Variants in UBXN7 observed in about 807,000 individuals in gnomAD.
UBXN7 encodes UBX domain protein 7.
Under a neutral mutation model 58.0 loss-of-function variants are expected in UBXN7, and 9 were observed. That is an observed-to-expected ratio of 0.16 (90% CI 0.09 to 0.27). The LOEUF (loss-of-function observed/expected upper bound fraction) is 0.27, where lower values mean the gene tolerates loss of function less well. Ranked by LOEUF, UBXN7 falls within the 10% of genes least tolerant of loss-of-function variation. The pLI, the probability that UBXN7 is intolerant of heterozygous loss-of-function variation, is 1.00. For synonymous variants in UBXN7, 208 were observed against 205.0 expected, an observed-to-expected ratio of 1.01 and a Z score of -0.12; for missense variants, 328 against 599.6, an observed-to-expected ratio of 0.55 and a Z score of 4.73.
Position 196,361,940 on chromosome 3 carries a change from A to T in UBXN7, c.1229-17T>A, listed in dbSNP as rs766023654. The T allele has an allele frequency of 1.2e-5, 14 of 1,197,714 alleles. No individual in the cohort carries two copies. The African/African-American group carries it at 1.6e-4, about 14-fold the overall frequency. The allele number at this position is 1,197,714 out of a possible 1,614,324, so 74.2% of individuals were successfully genotyped here. A position where few individuals can be genotyped will look rare whatever the true frequency, so the allele number is the denominator to read the frequency against. On this transcript the variant is annotated splice_polypyrimidine_tract_variant and intron_variant, in intron 9 of 10. Coordinates refer to ENST00000296328, the MANE Select transcript of UBXN7 (RefSeq NM_015562.2). Reference sequence around the variant, plus strand: ...CTTTTGGTCCTAAAGGAAGGGTTTAAAAAAAAAAAAAAAACGGGATACAGG... The same window carrying T: ...CTTTTGGTCCTAAAGGAAGGGTTTATAAAAAAAAAAAAAACGGGATACAGG...
chr3:196,383,631 C>G (rs1445303874), intron 5 of UBXN7, among the ~76,000 whole-genome samples: 3 of 152,148 alleles, frequency 2.0e-5, no homozygotes, highest in Non-Finnish European at 4.4e-5. Flanking sequence ...AATTAGAACT[C>G]AGGATTAAGA....
chr3:196,373,890 T>C, intron 5 of UBXN7, among the ~76,000 whole-genome samples: 1 of 152,180 alleles, frequency 6.6e-6, no homozygotes, highest in South Asian at 2.1e-4. Context: ...ATTTGCTTAC[T>C]GATTCCATGG....
rs746087612 is a variant in UBXN7 at position 196,361,826 on chromosome 3, A to T, written c.1308+18T>A. The T allele has an allele frequency of 8.1e-6, 13 of 1,611,314 alleles. No homozygotes were observed. Among genetic ancestry groups the T allele is most frequent in the East Asian group, 2.2e-5 (1 of 44,862 alleles). Reference sequence around the variant, plus strand: ...TATTGCAGTGGTCGGAACTGAACCAAAGCAAGCCTGTACTTACTAGCAGTT... The same window carrying T: ...TATTGCAGTGGTCGGAACTGAACCATAGCAAGCCTGTACTTACTAGCAGTT... On this transcript the variant is annotated intron_variant, in intron 10 of 10. Transcript: ENST00000296328.
chr3:196,409,046 C>T (rs1191765412), intron 1 of UBXN7, among the ~76,000 whole-genome samples: 1 of 152,204 alleles, frequency 6.6e-6, no homozygotes, highest in African/African-American at 2.4e-5. Flanking sequence ...TACAACTCTT[C>T]ACTCTAACCC....
intron 1 of UBXN7, among the ~76,000 whole-genome samples, chr3:196,419,989 G>A (rs1012878888): frequency 1.3e-5 from 2 of 152,132 alleles, no homozygotes; most frequent in Non-Finnish European, 2.9e-5. Flanking sequence ...AAAGGGAAGA[G>A]GAAAAGTAAG....
chr3:196,401,276 T>A (rs7639820), intron 3 of UBXN7, among the ~76,000 whole-genome samples: 5,179 of 20,742 alleles, frequency 0.25, 403 homozygotes, highest in Non-Finnish European at 0.29. Flanking sequence ...AAAAAAAAAA[T>A]ATATATATAT....
chr3:196,384,704 T>C (rs537019188), intron 5 of UBXN7, among the ~76,000 whole-genome samples: 1 of 152,202 alleles, frequency 6.6e-6, no homozygotes, highest in African/African-American at 2.4e-5. Context: ...AAAAACCACA[T>C]GATTATCTCA....
chr3:196,400,748 A>G (rs552885070), intron 3 of UBXN7: 2 of 376,106 alleles, frequency 5.3e-6, no homozygotes, highest in Non-Finnish European at 1.0e-5. Flanking sequence ...AAACAAAAGA[A>G]AAAAAAAAGA....
chr3:196,391,888 G>T lies in UBXN7; in HGVS notation c.393C>A (p.Ile131=), dbSNP rs566953894. 6.2e-7 allele frequency: 1 copy of T among 1,601,704 alleles called. No homozygotes were observed. The highest frequency in any genetic ancestry group is 1.4e-5 in the African/African-American group (1 of 73,868). ...QEQELRNGGA[I]DKKLTTLADL... is the part of the protein sequence containing the mutation. ...CTGCAAGGGTAGTTAATTTCTTATC[G>T]ATAGCTCCTCCATTTCTTAATTCTT... The change falls in exon 5 of 11, where the codon ATC becomes ATA. Residue 131 remains isoleucine (I), a synonymous_variant. Transcript: ENST00000296328.
intron 6 of UBXN7, among the ~76,000 whole-genome samples, 170 bp downstream of exon 6, chr3:196,371,726 G>A (rs1392258831): frequency 1.3e-5 from 2 of 151,988 alleles, no homozygotes; most frequent in South Asian, 2.1e-4. Context: ...CAGGTGATCC[G>A]CCGGCCTCAG....
chr3:196,366,850 C>T (rs1192922242), intron 8 of UBXN7, among the ~76,000 whole-genome samples: 1 of 152,118 alleles, frequency 6.6e-6, no homozygotes, highest in East Asian at 1.9e-4. Context: ...GATCACACCA[C>T]TGCACTGCAG....
At chr3:196,371,643 G>A (rs1415430500) in intron 6 of UBXN7, among the ~76,000 whole-genome samples, 1 of 151,892 alleles carries the variant, frequency 6.6e-6, no homozygotes, top group Non-Finnish European at 1.5e-5. Context: ...TGCCACACCT[G>A]GCTGATTTTT....
At chr3:196,400,418 A>G (rs890212356) in intron 3 of UBXN7, 4 of 152,472 alleles carry the variant, frequency 2.6e-5, no homozygotes, top group East Asian at 1.9e-4. Context: ...AGTCATTCTC[A>G]GTGTCGTCCT....
intron 5 of UBXN7, among the ~76,000 whole-genome samples, chr3:196,380,649 G>A (rs930002163): frequency 6.6e-6 from 1 of 152,258 alleles, no homozygotes; most frequent in African/African-American, 2.4e-5. Context: ...GCAGCCCACG[G>A]AGGGCGAGCT....
Position 196,392,058 on chromosome 3 carries a change from C to T in UBXN7, c.356-133G>A. The T allele has an allele frequency of 7.4e-6, 4 of 541,346 alleles. No individual in the cohort carries two copies. In the South Asian group the frequency reaches 1.0e-4, roughly 14 times the overall value. The allele number at this position is 541,346 out of a possible 1,614,324, so 33.5% of individuals were successfully genotyped here. Reference sequence around the variant, plus strand: ...TATGCTTGACCTCAAATACAAAGATCTAATGTTGACTCTGAAAAAAAAAAA... The same window carrying T: ...TATGCTTGACCTCAAATACAAAGATTTAATGTTGACTCTGAAAAAAAAAAA... On this transcript the variant is annotated intron_variant, in intron 4 of 10. Coordinates refer to ENST00000296328, the MANE Select transcript of UBXN7 (RefSeq NM_015562.2).
intron 10 of UBXN7, 26 bp from the exon 11 acceptor site, chr3:196,356,872 C>A (rs1384356053): frequency 6.3e-7 from 1 of 1,588,814 alleles, no homozygotes; most frequent in Non-Finnish European, 8.5e-7. Flanking sequence ...AAAGACAAAG[C>A]CATTAGACGG....
At chr3:196,432,017 G>A (rs1452108590) in intron 1 of UBXN7, 8 of 529,662 alleles carry the variant, frequency 1.5e-5, no homozygotes, top group Non-Finnish European at 2.4e-5. Flanking sequence ...TACTCCTCCC[G>A]CCCCCGGGTC....
At chr3:196,397,680 C>T (rs1252053145) in intron 3 of UBXN7, 2 of 152,242 alleles carry the variant, frequency 1.3e-5, no homozygotes, top group African/African-American at 4.8e-5. Context: ...ACCCAATCAG[C>T]ATAGGGCCCT....
At chr3:196,373,637 T>C (rs1728906481) in intron 5 of UBXN7, among the ~76,000 whole-genome samples, 1 of 152,192 alleles carries the variant, frequency 6.6e-6, no homozygotes. Flanking sequence ...ACTGAGAATA[T>C]CTTCTGTTTT....
Sources: allele counts gnomAD v4.1 joint callset (sites outside exome capture counted in the v4.1 genomes callset), GRCh38; gene constraint gnomAD v4.1.1; transcripts MANE v1.5; gene names NCBI Gene and HGNC (gene_info 2026-07-23, HGNC 2026-07-21).